TMEM232: variants seen among roughly 807,000 people sequenced by gnomAD.
TMEM232 encodes the protein transmembrane protein 232.
TMEM232 carries 80 observed loss-of-function variants against 78.8 expected under a neutral mutation model. The observed-to-expected ratio is 1.01, with a 90% confidence interval of 0.85 to 1.22. The LOEUF (loss-of-function observed/expected upper bound fraction) is 1.22. Ranked by LOEUF, TMEM232 falls within the 50% of genes most tolerant of loss-of-function variation. TMEM232 has a pLI of 0.00. For missense variants in TMEM232, 881 were observed against 742.2 expected, an observed-to-expected ratio of 1.19 and a Z score of -2.17; for synonymous variants, 297 against 254.3, an observed-to-expected ratio of 1.17 and a Z score of -1.60.
intron 12 of TMEM232, among the ~76,000 whole-genome samples, chr5:110,434,531 T>C (rs1434891317): frequency 6.6e-6 from 1 of 151,888 alleles, no homozygotes; most frequent in African/African-American, 2.4e-5. Context: ...CTACCAGATA[T>C]ACAAAGAAAC....
intron 6 of TMEM232, among the ~76,000 whole-genome samples, chr5:110,626,674 T>C (rs13436691): frequency 0.034 from 5,119 of 152,180 alleles, 317 homozygotes; most frequent in African/African-American, 0.12. Context: ...TTTTGCCTTA[T>C]GCTTAAATTT....
chr5:110,491,459 C>T (rs1490137641), intron 12 of TMEM232, among the ~76,000 whole-genome samples: 1 of 151,856 alleles, frequency 6.6e-6, no homozygotes, highest in East Asian at 1.9e-4. Flanking sequence ...GGCAAATCCA[C>T]AGAAAAGAAA....
chr5:110,515,310 T>C (rs1276789312), intron 12 of TMEM232, among the ~76,000 whole-genome samples: 1 of 151,956 alleles, frequency 6.6e-6, no homozygotes, highest in African/African-American at 2.4e-5. Flanking sequence ...CTTTGTGGAG[T>C]TTCTTCTCCT....
At chr5:110,615,897 A>C (rs952464677) in intron 8 of TMEM232, among the ~76,000 whole-genome samples, 3 of 151,934 alleles carry the variant, frequency 2.0e-5, no homozygotes, top group Non-Finnish European at 4.4e-5. Flanking sequence ...TCTCATTTAC[A>C]ATAGCAAAAA....
chr5:110,711,036 C>T (rs545463196), intron 1 of TMEM232, among the ~76,000 whole-genome samples: 31 of 152,074 alleles, frequency 2.0e-4, no homozygotes, highest in Non-Finnish European at 3.5e-4. Flanking sequence ...CACCAAAAAA[C>T]GATTAGAACT....
rs59247222 is a variant in TMEM232, at chr5:110,654,189, CT to C, written c.126-11819del. Reference sequence around the variant, plus strand: ...ATTAGTCCATATGACTTCATGCCCCCTGGCCATTGCTGATTTTGTCACAGTA... The same window carrying C: ...ATTAGTCCATATGACTTCATGCCCCCGGCCATTGCTGATTTTGTCACAGTA... On this transcript the variant is annotated intron_variant, in intron 2 of 13. Transcript: ENST00000455884. Among the ~76,000 whole-genome samples, 564 of 152,292 alleles carry C rather than the reference CT, an allele frequency of 3.7e-3. 5 individuals are homozygous for C. Among genetic ancestry groups the C allele is most frequent in the African/African-American group, 0.013 (530 of 41,560 alleles).
intron 8 of TMEM232, chr5:110,610,726 T>C: frequency 6.3e-6 from 2 of 318,832 alleles, no homozygotes; most frequent in East Asian, 1.6e-4. Context: ...GAACATCTCA[T>C]CATAACTGTG....
At chr5:110,531,255 G>C (rs572138375) in intron 11 of TMEM232, among the ~76,000 whole-genome samples, 1 of 151,844 alleles carries the variant, frequency 6.6e-6, no homozygotes, top group Non-Finnish European at 1.5e-5. Context: ...GACTCAGCCC[G>C]CCTGCACCCA....
At chr5:110,600,511 A>G (rs766949323) in intron 10 of TMEM232, among the ~76,000 whole-genome samples, 1 of 152,200 alleles carries the variant, frequency 6.6e-6, no homozygotes, top group Admixed American at 6.5e-5. Flanking sequence ...AATACAAACT[A>G]CCATCAGAGA....
intron 1 of TMEM232, among the ~76,000 whole-genome samples, chr5:110,687,548 T>A (rs546794166): frequency 6.6e-6 from 1 of 152,270 alleles, no homozygotes; most frequent in South Asian, 2.1e-4. Context: ...GCCAATAAAA[T>A]AAAATCCAAA....
intron 2 of TMEM232, among the ~76,000 whole-genome samples, chr5:110,662,936 C>CA (rs907461812): frequency 4.0e-5 from 6 of 150,392 alleles, no homozygotes; most frequent in South Asian, 2.1e-4. Context: ...AACCAAAATA[C>CA]AAAAAAAAGG....
At chr5:110,456,054 G>C (rs1464414737) in intron 12 of TMEM232, among the ~76,000 whole-genome samples, 4 of 152,144 alleles carry the variant, frequency 2.6e-5, no homozygotes, top group Non-Finnish European at 5.9e-5. Flanking sequence ...AAGGATGTTT[G>C]CTCTCAGCAC....
intron 10 of TMEM232, among the ~76,000 whole-genome samples, chr5:110,577,087 T>G (rs776342475): frequency 1.3e-5 from 2 of 151,278 alleles, no homozygotes; most frequent in Non-Finnish European, 3.0e-5. Flanking sequence ...ATGAACAGAG[T>G]AGACAATCTT....
chr5:110,416,366 A>C (rs1405360502), downstream of TMEM232, among the ~76,000 whole-genome samples: 1 of 152,218 alleles, frequency 6.6e-6, no homozygotes, highest in Non-Finnish European at 1.5e-5. Context: ...GGAGGTGACA[A>C]GTGTCATTGA....
At chr5:110,536,024 G>T (rs914310491) in intron 11 of TMEM232, among the ~76,000 whole-genome samples, 3 of 152,172 alleles carry the variant, frequency 2.0e-5, no homozygotes, top group African/African-American at 7.2e-5. Context: ...ACTGATCGTG[G>T]GTTAAGTCTT....
chr5:110,605,031 G>C (rs1445428197), intron 10 of TMEM232, 78 bp downstream of exon 10: 19 of 1,352,036 alleles, frequency 1.4e-5, no homozygotes, highest in Non-Finnish European at 1.8e-5. Flanking sequence ...TATTAACTTT[G>C]AGTAGAATGC....
At chr5:110,684,879 T>C (rs1399151982) in intron 1 of TMEM232, 1 of 152,098 alleles carries the variant, frequency 6.6e-6, no homozygotes. Context: ...TCTCTTTTTT[T>C]CTGTACAGTC....
intron 1 of TMEM232, among the ~76,000 whole-genome samples, chr5:110,692,417 C>T (rs976767354): frequency 3.3e-5 from 5 of 152,158 alleles, no homozygotes; most frequent in African/African-American, 7.2e-5. Flanking sequence ...ACTGAGGTAC[C>T]GGGTTCATCT....
intron 1 of TMEM232, among the ~76,000 whole-genome samples, chr5:110,715,963 T>G (rs1036447595): frequency 1.3e-5 from 2 of 152,118 alleles, no homozygotes; most frequent in Non-Finnish European, 2.9e-5. Flanking sequence ...TTTCAACCAA[T>G]TGCCAATCAG....
Sources: allele counts gnomAD v4.1 joint callset (sites outside exome capture counted in the v4.1 genomes callset), GRCh38; gene constraint gnomAD v4.1.1; transcripts MANE v1.5; gene names NCBI Gene and HGNC (gene_info 2026-07-23, HGNC 2026-07-21).